Variants in ATAD3B observed in about 807,000 individuals in gnomAD.
The protein encoded by ATAD3B is ATPase family AAA domain containing 3B.
ATAD3B carries 59 observed loss-of-function variants against 70.2 expected under a neutral mutation model. The ratio of observed to expected loss-of-function variants is 0.84; its 90% CI spans 0.68 to 1.04. The LOEUF (loss-of-function observed/expected upper bound fraction) is 1.04, where lower values mean the gene tolerates loss of function less well. Among genes scored for constraint, ATAD3B ranks in the 50% least tolerant of loss-of-function variants. The probability of loss-of-function intolerance (pLI) is 0.00; values close to 1 mark genes in which losing one functional copy is unlikely to be tolerated. For synonymous variants in ATAD3B, 423 were observed against 388.6 expected, an observed-to-expected ratio of 1.09 and a Z score of -1.04; for missense variants, 961 against 913.4, an observed-to-expected ratio of 1.05 and a Z score of -0.67.
intron 1 of ATAD3B, among the ~76,000 whole-genome samples, chr1:1,474,953 G>T (rs1468532387): frequency 6.7e-6 from 1 of 149,424 alleles, no homozygotes; most frequent in African/African-American, 2.5e-5. Flanking sequence ...GTTTTCACCC[G>T]CTAACTTCAC....
intron 8 of ATAD3B, among the ~76,000 whole-genome samples, chr1:1,485,543 C>G (rs1178800881): frequency 6.6e-6 from 1 of 152,112 alleles, no homozygotes; most frequent in African/African-American, 2.4e-5. Flanking sequence ...TGCCTGCTCT[C>G]CACAGGTCAC....
the ATAD3B span, chr1:1,503,350 C>T: frequency 8.1e-6 from 4 of 494,628 alleles, no homozygotes; most frequent in Admixed American, 3.2e-5. Context: ...CCTGATGTGG[C>T]TCTCCAAGAC....
At chr1:1,501,733 T>G (rs1640949586), downstream of ATAD3B, among the ~76,000 whole-genome samples, 1 of 152,118 alleles carries the variant, frequency 6.6e-6, no homozygotes. Context: ...CTCATTGTCT[T>G]TTTCCTTGAA....
chr1:1,481,957 T>C (rs192245001), intron 5 of ATAD3B, among the ~76,000 whole-genome samples, 181 bp from the exon 6 acceptor site: 2,029 of 137,866 alleles, frequency 0.015, 71 homozygotes, highest in African/African-American at 0.061. Flanking sequence ...CGGTCCGTGG[T>C]GCGGGCCTGT....
intron 12 of ATAD3B, among the ~76,000 whole-genome samples, chr1:1,488,986 C>A (rs1640383196): frequency 6.6e-6 from 1 of 151,858 alleles, no homozygotes; most frequent in African/African-American, 2.4e-5. Context: ...TGGTCTCAAA[C>A]TCCCTACCTC....
intron 4 of ATAD3B, among the ~76,000 whole-genome samples, chr1:1,480,046 T>A (rs1344544993): frequency 1.5e-5 from 2 of 136,596 alleles, no homozygotes; most frequent in Admixed American, 7.3e-5. Flanking sequence ...CACACCCCCT[T>A]GCACAGACGG....
At chr1:1,489,446 G>T (rs1640410499) in intron 13 of ATAD3B, 172 bp downstream of exon 13, 2 of 1,255,062 alleles carry the variant, frequency 1.6e-6, no homozygotes, top group Admixed American at 2.5e-5. Context: ...GGGTGTCATT[G>T]AGGAACATGC....
chr1:1,486,535 C>G lies in ATAD3B; in HGVS notation c.1090-9C>G, dbSNP rs1374448224. 8 of 1,612,082 alleles carry G rather than the reference C, an allele frequency of 5.0e-6. No homozygotes were observed. Among genetic ancestry groups the G allele is most frequent in the Non-Finnish European group, 6.8e-6 (8 of 1,179,468 alleles). On this transcript the variant is annotated splice_polypyrimidine_tract_variant and intron_variant, in intron 10 of 15. Coordinates refer to ENST00000673477, the MANE Select transcript of ATAD3B (RefSeq NM_031921.6). ...ATCTGTTCTGTCTCCCCTCACTCTT[C>G]TTGTCCAGAAACTCGCCCTGCACTC...
the ATAD3B span, chr1:1,503,692 G>A: frequency 1.9e-5 from 31 of 1,608,886 alleles, no homozygotes; most frequent in Admixed American, 1.0e-4. Flanking sequence ...TGGGGAGGCC[G>A]GGGCGCACAT....
At position 1,471,970 on chromosome 1, in the gene ATAD3B, C is replaced by T. The variant is rs533360758; in HGVS notation, c.86C>T (p.Ala29Val). 260 of 1,241,766 alleles carry T rather than the reference C, an allele frequency of 2.1e-4. 5 individuals carry two copies. The South Asian group carries it at 5.6e-3, about 27-fold the overall frequency. 76.9% of individuals were successfully genotyped at this position (1,241,766 alleles called of 1,614,324 possible). A position where few individuals can be genotyped will look rare whatever the true frequency, so the allele number is the denominator to read the frequency against. ...CCTTTGCCGCCCGCGCAGCCCGGGG[C>T]CGAGGGCGGCGGGGACCGCGGTTTG... ...PPPLPPAQPG[A>V]EGGGDRGLGD... Residue 29 changes from alanine (A) to valine (V), a missense_variant, in exon 1 of 16, where the codon GCC becomes GTC. By Grantham distance (64) the Ala-to-Val change is moderately conservative. Transcript: ENST00000673477.
the ATAD3B span, among the ~76,000 whole-genome samples, chr1:1,507,558 T>C: frequency 5.1e-4 from 78 of 152,300 alleles, 1 homozygote; most frequent in African/African-American, 1.9e-3. Context: ...GGTCAGGGTG[T>C]ATAATTTTTT....
chr1:1,500,483 C>G (rs893180069), downstream of ATAD3B, among the ~76,000 whole-genome samples: 28 of 143,622 alleles, frequency 1.9e-4, no homozygotes, highest in African/African-American at 7.1e-4. Flanking sequence ...ACCCAGGAGG[C>G]GGAGCTTGCA....
At chr1:1,497,868 A>AAAAAC (rs1640841426), downstream of ATAD3B, 1 of 150,834 alleles carries the variant, frequency 6.6e-6, no homozygotes, top group African/African-American at 2.5e-5. Context: ...AAAAAAAAAA[A>AAAAAC]AAAAAGCCCT....
intron 12 of ATAD3B, 34 bp downstream of exon 12, chr1:1,487,948 A>T: frequency 6.2e-7 from 1 of 1,611,724 alleles, no homozygotes; most frequent in Non-Finnish European, 8.5e-7. Flanking sequence ...TGGCCACAGG[A>T]GGGTGGTCGG....
In ATAD3B at chr1:1,477,677, TTTTTATTTTA is replaced by T. The variant is rs199892482; in HGVS notation, c.282+361_282+370del. Among the ~76,000 whole-genome samples the T allele has an allele frequency of 3.0e-3, 440 of 147,984 alleles. 2 individuals are homozygous for T. The highest frequency in any genetic ancestry group is 3.2e-3 in the Non-Finnish European group (219 of 67,648). On this transcript the variant is annotated intron_variant, in intron 2 of 15. Transcript: ENST00000673477. ...CTCATTTCTTTTCACTCAGCAGGAT[TTTTTATTTTA>T]TTTTATTTTATTTTATTTTATTTTA...
At position 1,485,163 on chromosome 1, in the gene ATAD3B, C is replaced by T. The variant is rs770794816; in HGVS notation, c.898C>T (p.Pro300Ser). ...CACGGTGCTGGAGGCGCTGCGGCAC[C>T]CCATCCAGGTAGCGGCGCAGGCCTG... The part of the protein sequence containing the change: ...RITVLEALRH[P>S]IQVSRRLLSR... Residue 300 changes from proline to serine, a missense_variant, in exon 8 of 16, where the codon CCC becomes TCC. Transcript: ENST00000673477. The T allele has an allele frequency of 5.6e-6, 9 of 1,610,376 alleles. No individual in the cohort carries two copies. In the East Asian group the frequency reaches 1.8e-4, roughly 32 times the overall value.
At chr1:1,494,015 C>T (rs1186918458) in intron 15 of ATAD3B, among the ~76,000 whole-genome samples, 1 of 151,994 alleles carries the variant, frequency 6.6e-6, no homozygotes, top group Non-Finnish European at 1.5e-5. Flanking sequence ...TGTGAATTCA[C>T]ATGTGAAGAA....
rs556443158 is a variant in ATAD3B, at chr1:1,475,681, G to A, written c.206-1593G>A. Reference sequence around the variant, plus strand: ...GCTCGCCCTGCACTCCACAGAGGGGGTGCCTGGAGGAGAGCCTCGTGCCCT... The same window carrying A: ...GCTCGCCCTGCACTCCACAGAGGGGATGCCTGGAGGAGAGCCTCGTGCCCT... On this transcript the variant is annotated intron_variant, in intron 1 of 15. Coordinates refer to ENST00000673477, the MANE Select transcript of ATAD3B (RefSeq NM_031921.6). Among the ~76,000 whole-genome samples, 127 of 151,932 alleles carry A rather than the reference G, an allele frequency of 8.4e-4. 1 individual carries two copies. The highest frequency in any genetic ancestry group is 6.8e-3 in the Middle Eastern group (2 of 294).
chr1:1,499,383 C>T (rs185109561), downstream of ATAD3B, among the ~76,000 whole-genome samples: 404 of 146,726 alleles, frequency 2.8e-3, 2 homozygotes, highest in African/African-American at 9.6e-3. Flanking sequence ...ATTACAGGCA[C>T]GTGCCACCAC....
Sources: gnomAD v4.1 joint callset for allele counts (sites outside exome capture counted in the v4.1 genomes callset) on GRCh38, gnomAD v4.1.1 for gene constraint, MANE v1.5 for transcripts, NCBI Gene and HGNC (gene_info 2026-07-23, HGNC 2026-07-21) for gene names.